The following NPAS3 variants were observed in gnomAD, a reference collection of about 807,000 sequenced individuals.
The protein encoded by NPAS3 is neuronal PAS domain-containing protein 3.
A neutral mutation model predicts 73.1 loss-of-function variants in NPAS3; 14 were observed. The observed-to-expected ratio is 0.19, with a 90% CI of 0.13 to 0.30. The LOEUF is 0.30. Ranked by LOEUF, NPAS3 falls within the 10% of genes least tolerant of loss-of-function variation. The pLI is 1.00. For synonymous variants in NPAS3, 620 were observed against 541.5 expected (o/e 1.14, Z -2.01); for missense variants, 1,096 against 1,250.0 (o/e 0.88, Z 1.86).
intron 3 of NPAS3, among the ~76,000 whole-genome samples, chr14:33,219,078 TG>T (rs1229477669): frequency 1.3e-5 from 2 of 152,192 alleles, no homozygotes; most frequent in Non-Finnish European, 2.9e-5. Flanking sequence ...ATGAACATTA[TG>T]CGTTATTCAA....
intron 4 of NPAS3, among the ~76,000 whole-genome samples, chr14:33,555,551 A>G (rs1309743283): frequency 6.6e-6 from 1 of 152,186 alleles, no homozygotes; most frequent in Non-Finnish European, 1.5e-5. Context: ...GAGATTAATC[A>G]CACTTGGTTT....
intron 4 of NPAS3, among the ~76,000 whole-genome samples, chr14:33,533,762 C>A (rs369366845): frequency 6.6e-6 from 1 of 151,868 alleles, no homozygotes; most frequent in Non-Finnish European, 1.5e-5. Flanking sequence ...TATGTGGTGA[C>A]GTGAAAAGAG....
intron 4 of NPAS3, among the ~76,000 whole-genome samples, chr14:33,546,533 A>G (rs373031669): frequency 6.6e-6 from 1 of 152,244 alleles, no homozygotes; most frequent in Non-Finnish European, 1.5e-5. Context: ...TGAAGAAGCA[A>G]GCATAAATGA....
intron 1 of NPAS3, among the ~76,000 whole-genome samples, chr14:32,939,822 G>C (rs1468865180): frequency 6.6e-6 from 1 of 151,764 alleles, no homozygotes; most frequent in Admixed American, 6.6e-5. Context: ...CGGCGAGCAG[G>C]GGGAGGAGGC....
At chr14:33,098,985 C>T (rs937296508) in intron 2 of NPAS3, among the ~76,000 whole-genome samples, 4 of 152,230 alleles carry the variant, frequency 2.6e-5, no homozygotes, top group African/African-American at 9.6e-5. Context: ...GTTCCAGTAG[C>T]CAATCCTTGT....
intron 2 of NPAS3, among the ~76,000 whole-genome samples, chr14:33,129,458 T>C (rs2043553073): frequency 6.6e-6 from 1 of 152,188 alleles, no homozygotes. Context: ...TGAAGGTGCC[T>C]GTTCCTCATA....
chr14:33,580,603 G>A (rs983431955), intron 5 of NPAS3, among the ~76,000 whole-genome samples: 3 of 152,094 alleles, frequency 2.0e-5, no homozygotes, highest in African/African-American at 7.2e-5. Context: ...AACCAGGTGT[G>A]GTTGCCTGCT....
At chr14:33,312,600 C>T (rs1480415370) in intron 3 of NPAS3, among the ~76,000 whole-genome samples, 3 of 151,924 alleles carry the variant, frequency 2.0e-5, no homozygotes, top group Non-Finnish European at 4.4e-5. Context: ...TTTAAATTAC[C>T]GATCACGTCT....
At chr14:33,229,734 AAG>A (rs1321371301) in intron 3 of NPAS3, among the ~76,000 whole-genome samples, 1 of 152,176 alleles carries the variant, frequency 6.6e-6, no homozygotes, top group African/African-American at 2.4e-5. Context: ...CAGTCTGCCA[AAG>A]AGAGTGCCCA....
chr14:33,700,935 G>T (rs189827810), intron 6 of NPAS3, among the ~76,000 whole-genome samples: 1 of 152,318 alleles, frequency 6.6e-6, no homozygotes, highest in Admixed American at 6.5e-5. Flanking sequence ...GCACCATGTA[G>T]GTTCTGGAGG....
At chr14:33,322,892 T>C (rs894442235) in intron 3 of NPAS3, among the ~76,000 whole-genome samples, 8 of 152,222 alleles carry the variant, frequency 5.3e-5, no homozygotes, top group South Asian at 2.1e-4. Flanking sequence ...TTTGTATATC[T>C]GACCCTCTTG....
chr14:33,373,151 G>T (rs1270072293), intron 4 of NPAS3, among the ~76,000 whole-genome samples: 1 of 152,160 alleles, frequency 6.6e-6, no homozygotes, highest in Non-Finnish European at 1.5e-5. Context: ...TTTCTGAATG[G>T]AATGTTTTAA....
At chr14:33,195,175 G>C (rs1171612264) in intron 2 of NPAS3, among the ~76,000 whole-genome samples, 1 of 151,522 alleles carries the variant, frequency 6.6e-6, no homozygotes, top group African/African-American at 2.4e-5. Flanking sequence ...AGAGTAAACA[G>C]GCATACTTAA....
chr14:33,003,691 A>G (rs2038890580), intron 1 of NPAS3, among the ~76,000 whole-genome samples: 1 of 152,218 alleles, frequency 6.6e-6, no homozygotes. Flanking sequence ...CAACAGTTGA[A>G]TGATTTAAGA....
At chr14:33,538,582 T>A (rs2139615275) in intron 4 of NPAS3, among the ~76,000 whole-genome samples, 1 of 152,352 alleles carries the variant, frequency 6.6e-6, no homozygotes, top group Non-Finnish European at 1.5e-5. Context: ...CAAAAAGACT[T>A]GTCACCTAAA....
intron 3 of NPAS3, among the ~76,000 whole-genome samples, chr14:33,338,500 C>G (rs906628024): frequency 6.6e-6 from 1 of 152,068 alleles, no homozygotes; most frequent in African/African-American, 2.4e-5. Context: ...TTTTCCTTTT[C>G]TTTTCTTTTT....
chr14:33,122,162 G>A (rs933026477), intron 2 of NPAS3, among the ~76,000 whole-genome samples: 2 of 152,124 alleles, frequency 1.3e-5, no homozygotes, highest in Non-Finnish European at 2.9e-5. Flanking sequence ...GGCTGTAAAG[G>A]GATGCCTTTC....
At chr14:33,390,927 G>GA (rs567314178) in intron 4 of NPAS3, among the ~76,000 whole-genome samples, 71 of 150,478 alleles carry the variant, frequency 4.7e-4, no homozygotes, top group African/African-American at 1.5e-3. Flanking sequence ...TCTGTCTTTT[G>GA]AAAAAAAAAT....
chr14:33,400,773 G>A (rs894527611), intron 4 of NPAS3, among the ~76,000 whole-genome samples: 9 of 151,962 alleles, frequency 5.9e-5, no homozygotes, highest in South Asian at 2.1e-4. Flanking sequence ...GTAGGGGGGC[G>A]TGGTGGCAGT....
Sources: gnomAD v4.1 joint callset for allele counts (sites outside exome capture counted in the v4.1 genomes callset) on GRCh38, gnomAD v4.1.1 for gene constraint, MANE v1.5 for transcripts, NCBI Gene and HGNC (gene_info 2026-07-23, HGNC 2026-07-21) for gene names.